Variants in OCA2 observed in about 807,000 individuals in gnomAD.
OCA2 encodes OCA2 melanosomal transmembrane protein, also known as P protein.
In OCA2, 77 loss-of-function variants were observed where a neutral mutation model predicts 100.2. That is an observed-to-expected ratio of 0.77 (90% CI 0.64 to 0.93). The LOEUF (loss-of-function observed/expected upper bound fraction) is 0.93, where lower values mean the gene tolerates loss of function less well. Among genes scored for constraint, OCA2 ranks in the 40% least tolerant of loss-of-function variants. OCA2 has a pLI of 0.00. For synonymous variants in OCA2, 432 were observed against 439.2 expected (o/e 0.98, Z 0.21); for missense variants, 1,062 against 1,089.1 (o/e 0.98, Z 0.35).
chr15:27,953,329 T>C (rs2040099588), intron 17 of OCA2, among the ~76,000 whole-genome samples: 1 of 152,098 alleles, frequency 6.6e-6, no homozygotes, highest in South Asian at 2.1e-4. Context: ...CCCTCCTCTA[T>C]GTGCAGTGGG....
intron 2 of OCA2, among the ~76,000 whole-genome samples, chr15:28,060,747 G>T (rs953669339): frequency 8.5e-5 from 13 of 152,304 alleles, no homozygotes; most frequent in Non-Finnish European, 1.6e-4. Flanking sequence ...CCAGTTCTGT[G>T]CTGGGCTTGA....
intron 23 of OCA2, among the ~76,000 whole-genome samples, chr15:27,772,785 G>A (rs937986319): frequency 3.3e-5 from 5 of 150,126 alleles, no homozygotes. Context: ...AGGTTGCAGT[G>A]AGCTGAGATC....
At position 27,985,050 on chromosome 15, in the gene OCA2, G is replaced by C. The variant is rs1333096787; in HGVS notation, c.1364+14C>G. 1 of 1,613,782 alleles carries C rather than the reference G, an allele frequency of 6.2e-7. No individual in the cohort carries two copies. Among genetic ancestry groups the C allele is most frequent in the Non-Finnish European group, 8.5e-7 (1 of 1,179,842 alleles). On this transcript the variant is annotated intron_variant, in intron 13 of 23. Coordinates refer to ENST00000354638, the MANE Select transcript of OCA2 (RefSeq NM_000275.3). ...ACCTGGCCGCAACTCCCACGGCAGA[G>C]GTGCTTTGCGTACCTTATGGTCACA... is the stretch of plus-strand genomic sequence containing the variant.
In OCA2 at chr15:28,056,637, T is replaced by C. The variant is rs1317162245; in HGVS notation, c.228-24474A>G. Among the ~76,000 whole-genome samples, 4 of 152,366 alleles carry C rather than the reference T, an allele frequency of 2.6e-5. No individual in the cohort carries two copies. In the South Asian group the frequency reaches 8.3e-4, roughly 32 times the overall value. ...GTTAGGAAAGCATCAGCAGTGGACA[T>C]GTGTGTGTGGAGGATGGCAGTGTGG... On this transcript the variant is annotated intron_variant, in intron 2 of 23. Transcript: ENST00000354638.
chr15:28,078,065 T>C (rs2141861969), intron 2 of OCA2, among the ~76,000 whole-genome samples: 1 of 152,220 alleles, frequency 6.6e-6, no homozygotes, highest in East Asian at 1.9e-4. Flanking sequence ...GGTGACAACG[T>C]TGAATTGAAC....
chr15:27,827,765 T>A (rs562355656), intron 23 of OCA2, among the ~76,000 whole-genome samples: 2 of 152,344 alleles, frequency 1.3e-5, no homozygotes, highest in South Asian at 4.1e-4. Context: ...AAAATAAGCA[T>A]AATCATACTG....
chr15:28,095,788 AGCACCAG>A (rs961970712), intron 1 of OCA2, among the ~76,000 whole-genome samples: 16 of 152,152 alleles, frequency 1.1e-4, no homozygotes, highest in African/African-American at 2.9e-4. Context: ...AGGAACGAGA[AGCACCAG>A]GTTTAGGCGC....
chr15:27,824,602 C>CTCTCTATATATATATA, intron 23 of OCA2, among the ~76,000 whole-genome samples: 8 of 47,594 alleles, frequency 1.7e-4, no homozygotes, highest in South Asian at 1.5e-3. Flanking sequence ...CTCTCTCTCT[C>CTCTCTATATATATATA]TATATATATA....
chr15:27,843,438 T>C (rs1358066402), intron 23 of OCA2, among the ~76,000 whole-genome samples: 2 of 152,226 alleles, frequency 1.3e-5, no homozygotes, highest in African/African-American at 4.8e-5. Flanking sequence ...CAAAGGCCAC[T>C]GCTATATTTG....
intron 2 of OCA2, among the ~76,000 whole-genome samples, chr15:28,037,148 A>C (rs548450308): frequency 6.6e-6 from 1 of 151,980 alleles, no homozygotes; most frequent in African/African-American, 2.4e-5. Flanking sequence ...GGCATCAGCC[A>C]TGCAGAGCCG....
chr15:27,837,255 C>G (rs1294816757), intron 23 of OCA2, among the ~76,000 whole-genome samples: 1 of 152,188 alleles, frequency 6.6e-6, no homozygotes, highest in African/African-American at 2.4e-5. Context: ...TTGGGCATGG[C>G]AGAAAGAACG....
Position 27,948,261 on chromosome 15 carries a change from T to G in OCA2, c.1951+3523A>C, listed in dbSNP as rs1021462676. On this transcript the variant is annotated intron_variant, in intron 18 of 23. Coordinates refer to ENST00000354638, the MANE Select transcript of OCA2 (RefSeq NM_000275.3). Reference sequence around the variant, plus strand: ...GGGTGTGAAACAGCTGGAACTCCCATACATGCTGTGGGAACGCAACGGGGT... The same window carrying G: ...GGGTGTGAAACAGCTGGAACTCCCAGACATGCTGTGGGAACGCAACGGGGT... Among the ~76,000 whole-genome samples, 6 of 152,286 alleles carry G rather than the reference T, an allele frequency of 3.9e-5. No individual in the cohort carries two copies. The South Asian group carries it at 8.3e-4, about 21-fold the overall frequency.
At chr15:27,929,889 G>T (rs1055889603) in intron 18 of OCA2, among the ~76,000 whole-genome samples, 1 of 151,694 alleles carries the variant, frequency 6.6e-6, no homozygotes, top group Non-Finnish European at 1.5e-5. Flanking sequence ...TGAAAAGATG[G>T]TCAAATATCA....
intron 19 of OCA2, among the ~76,000 whole-genome samples, chr15:27,893,589 G>T (rs556821292): frequency 6.6e-6 from 1 of 152,198 alleles, no homozygotes; most frequent in East Asian, 1.9e-4. Flanking sequence ...TTCCTGGGGG[G>T]AGGTCTATAA....
chr15:27,742,026 A>C, the OCA2 span, among the ~76,000 whole-genome samples: 1 of 152,216 alleles, frequency 6.6e-6, no homozygotes, highest in Admixed American at 6.5e-5. Context: ...TGCTGAAAAT[A>C]ATGGTTTTAG....
intron 23 of OCA2, among the ~76,000 whole-genome samples, chr15:27,812,990 C>G (rs980389560): frequency 1.3e-5 from 2 of 152,164 alleles, no homozygotes; most frequent in Admixed American, 6.5e-5. Flanking sequence ...CTTCTGCCCC[C>G]TCCCCAGGAG....
intron 2 of OCA2, among the ~76,000 whole-genome samples, chr15:28,076,927 G>C (rs534982035): frequency 6.6e-6 from 1 of 150,850 alleles, no homozygotes; most frequent in Admixed American, 6.6e-5. Context: ...AAGTACATCT[G>C]TCATTCTTAC....
intron 18 of OCA2, among the ~76,000 whole-genome samples, chr15:27,945,875 A>C (rs1418634873): frequency 6.6e-6 from 1 of 152,236 alleles, no homozygotes; most frequent in Non-Finnish European, 1.5e-5. Flanking sequence ...GCCAAAGATA[A>C]CATTTTCAAG....
At chr15:27,975,593 C>G (rs764580261) in intron 14 of OCA2, among the ~76,000 whole-genome samples, 2 of 151,650 alleles carry the variant, frequency 1.3e-5, no homozygotes, top group African/African-American at 4.8e-5. Flanking sequence ...ATCAGTAGTT[C>G]ACTTATGTGT....
Sources: gnomAD v4.1 joint callset for allele counts (sites outside exome capture counted in the v4.1 genomes callset) on GRCh38, gnomAD v4.1.1 for gene constraint, MANE v1.5 for transcripts, NCBI Gene and HGNC (gene_info 2026-07-23, HGNC 2026-07-21) for gene names.